The following FRAS1 variants were observed in gnomAD, a reference collection of about 807,000 sequenced individuals.
The protein encoded by FRAS1 is extracellular matrix organizing protein FRAS1.
A neutral mutation model predicts 435.2 loss-of-function variants in FRAS1; 290 were observed. The ratio of observed to expected loss-of-function variants is 0.67; its 90% CI spans 0.61 to 0.73. The LOEUF is 0.73. Among genes scored for constraint, FRAS1 ranks in the 30% least tolerant of loss-of-function variants. The probability of loss-of-function intolerance (pLI) is 0.00; values close to 1 mark genes in which losing one functional copy is unlikely to be tolerated. For synonymous variants in FRAS1, 1,800 were observed against 1,851.0 expected, an observed-to-expected ratio of 0.97 and a Z score of 0.71; for missense variants, 4,860 against 5,001.5, an observed-to-expected ratio of 0.97 and a Z score of 0.85.
Position 78,363,936 on chromosome 4 carries a change from G to C in FRAS1, c.2604G>C (p.Gln868His). Residue 868 changes from glutamine (Q) to histidine (H), a missense_variant, in exon 22 of 74, where the codon CAG (glutamine) becomes CAC (histidine). Gln to His is a conservative substitution (Grantham distance 24). Transcript: ENST00000512123. Reference protein sequence around the residue: ...KKCHSSCRTCQGRGPFSCSSC... With the variant: ...KKCHSSCRTCHGRGPFSCSSC... ...GCCACTCCTCCTGCAGAACCTGCCA[G>C]GGCAGAGGACCTTTCTCCTGCTCCT... 1 of 1,613,142 alleles carries C rather than the reference G, an allele frequency of 6.2e-7. No individual in the cohort carries two copies. The highest frequency in any genetic ancestry group is 1.1e-5 in the South Asian group (1 of 90,762).
At chr4:78,112,896 A>G (rs927634310) in intron 2 of FRAS1, among the ~76,000 whole-genome samples, 2 of 152,106 alleles carry the variant, frequency 1.3e-5, no homozygotes, top group Non-Finnish European at 2.9e-5. Flanking sequence ...TTTCATATGT[A>G]TACATGTGCC....
intron 14 of FRAS1, among the ~76,000 whole-genome samples, chr4:78,290,591 C>T (rs1344138003): frequency 6.6e-6 from 1 of 151,972 alleles, no homozygotes; most frequent in Non-Finnish European, 1.5e-5. Context: ...GCTGGGATTA[C>T]AGGTGCTCAC....
At chr4:78,292,984 TATCTC>T (rs1399423849) in intron 14 of FRAS1, among the ~76,000 whole-genome samples, 3 of 152,322 alleles carry the variant, frequency 2.0e-5, no homozygotes, top group South Asian at 2.1e-4. Flanking sequence ...CTTCAAGTGG[TATCTC>T]CTGTCTCTTC....
rs569519029 is a variant in FRAS1, at chr4:78,143,747, A to T, written c.108+77731A>T. 1.8e-4 allele frequency among the ~76,000 whole-genome samples: 27 copies of T among 151,668 alleles called. 1 individual carries two copies. Among genetic ancestry groups the T allele is most frequent in the East Asian group, 5.8e-4 (3 of 5,156 alleles). On this transcript the variant is annotated intron_variant, in intron 2 of 73. Transcript: ENST00000512123. ...CCTGTCTCTACTAAAAATAATAAAA[A>T]AAAAAAAATAGCTAAGTATGATGTT...
intron 2 of FRAS1, chr4:78,180,942 C>T (rs1395746825): frequency 3.7e-5 from 59 of 1,610,048 alleles, no homozygotes; most frequent in African/African-American, 2.8e-4. Flanking sequence ...CCTGCTGCCA[C>T]GGTTTGGGCG....
intron 9 of FRAS1, among the ~76,000 whole-genome samples, chr4:78,272,032 C>T (rs184841430): frequency 9.2e-5 from 14 of 152,210 alleles, no homozygotes; most frequent in Non-Finnish European, 2.1e-4. Context: ...CGGTATCTCA[C>T]TGTGGTTTTG....
intron 31 of FRAS1, among the ~76,000 whole-genome samples, chr4:78,409,309 G>A (rs1733232438): frequency 6.6e-6 from 1 of 151,826 alleles, no homozygotes; most frequent in Admixed American, 6.6e-5. Context: ...AGTCAAAACA[G>A]CAAACACTTA....
At chr4:78,101,714 C>G (rs1742141626) in intron 2 of FRAS1, among the ~76,000 whole-genome samples, 1 of 152,092 alleles carries the variant, frequency 6.6e-6, no homozygotes, top group Admixed American at 6.6e-5. Context: ...TGCTTTTAGC[C>G]TGTAATGTGC....
At chr4:78,090,220 A>G (rs1014985221) in intron 2 of FRAS1, among the ~76,000 whole-genome samples, 3 of 152,242 alleles carry the variant, frequency 2.0e-5, no homozygotes, top group Non-Finnish European at 2.9e-5. Context: ...TGGTACATTT[A>G]TGACCATGCA....
chr4:78,503,783 T>G (rs1168196398), intron 61 of FRAS1, among the ~76,000 whole-genome samples: 1 of 152,252 alleles, frequency 6.6e-6, no homozygotes, highest in Non-Finnish European at 1.5e-5. Flanking sequence ...CTCTTGCTTC[T>G]CTAATCCTTT....
intron 9 of FRAS1, among the ~76,000 whole-genome samples, chr4:78,271,056 TC>T (rs1362034208): frequency 6.6e-6 from 1 of 152,210 alleles, no homozygotes; most frequent in Admixed American, 6.5e-5. Context: ...GACTTAAAAA[TC>T]CATCTATAAT....
chr4:78,460,029 G>A (rs187607939), intron 47 of FRAS1, among the ~76,000 whole-genome samples: 1 of 152,308 alleles, frequency 6.6e-6, no homozygotes, highest in East Asian at 1.9e-4. Context: ...GGGAAAGGGT[G>A]CAATTCAACC....
chr4:78,087,156 A>C (rs144696251), intron 2 of FRAS1, among the ~76,000 whole-genome samples: 3,524 of 152,334 alleles, frequency 0.023, 96 homozygotes, highest in South Asian at 0.092. Context: ...GCATATAAAC[A>C]GAACCAAAGA....
intron 15 of FRAS1, among the ~76,000 whole-genome samples, chr4:78,315,380 G>A (rs1265460962): frequency 2.0e-5 from 3 of 152,112 alleles, no homozygotes; most frequent in African/African-American, 7.2e-5. Context: ...GCTATGCTTA[G>A]TTCAATGAGT....
rs794727365 is a variant in FRAS1, at chr4:78,364,055, G to T, written c.2722+1G>T. The stretch of plus-strand genomic sequence containing the variant: ...CTTGATGACAATCATGTTTGCCAGC[G>T]TAGGTTTTTCCAATGAACCTTCTCT... On this transcript the variant is annotated splice_donor_variant, in intron 22 of 73. Transcript: ENST00000512123. LOFTEE classifies it high-confidence loss of function. The T allele has an allele frequency of 5.7e-6, 9 of 1,577,168 alleles. No individual in the cohort carries two copies. The highest frequency in any genetic ancestry group is 3.5e-5 in the South Asian group (3 of 86,066).
intron 4 of FRAS1, among the ~76,000 whole-genome samples, chr4:78,250,845 T>C (rs868391723): frequency 3.9e-5 from 6 of 152,234 alleles, no homozygotes; most frequent in African/African-American, 1.2e-4. Flanking sequence ...TAAAACGTTA[T>C]AATTTTATAA....
At chr4:78,063,578 G>T (rs1040175720) in intron 1 of FRAS1, among the ~76,000 whole-genome samples, 2 of 152,172 alleles carry the variant, frequency 1.3e-5, no homozygotes, top group Non-Finnish European at 2.9e-5. Flanking sequence ...ATTTTGGCTT[G>T]AGTCTCCAGC....
At chr4:78,162,338 C>A (rs1215730383) in intron 2 of FRAS1, among the ~76,000 whole-genome samples, 1 of 152,082 alleles carries the variant, frequency 6.6e-6, no homozygotes, top group East Asian at 1.9e-4. Context: ...GTGTTTCCAT[C>A]TTGTTGTTCG....
intron 69 of FRAS1, among the ~76,000 whole-genome samples, chr4:78,523,901 G>C (rs758705243): frequency 1.1e-4 from 17 of 152,076 alleles, no homozygotes; most frequent in Admixed American, 2.6e-4. Flanking sequence ...TTTTATCCAC[G>C]TTAGTTACTC....
Sources: allele counts gnomAD v4.1 joint callset (sites outside exome capture counted in the v4.1 genomes callset), GRCh38; gene constraint gnomAD v4.1.1; transcripts MANE v1.5; gene names NCBI Gene and HGNC (gene_info 2026-07-23, HGNC 2026-07-21).